The following ARHGAP15 variants were observed in gnomAD, a reference collection of about 807,000 sequenced individuals.
The protein encoded by ARHGAP15 is Rho GTPase activating protein 15, also known as rho GTPase-activating protein 15.
In ARHGAP15, 51 loss-of-function variants were observed where a neutral mutation model predicts 63.7. The observed-to-expected ratio is 0.80, with a 90% CI of 0.64 to 1.01. The LOEUF (loss-of-function observed/expected upper bound fraction) is 1.01, where lower values mean the gene tolerates loss of function less well. Among genes scored for constraint, ARHGAP15 ranks in the 50% least tolerant of loss-of-function variants. The pLI is 0.00. For synonymous variants in ARHGAP15, 191 were observed against 193.8 expected, an observed-to-expected ratio of 0.99 and a Z score of 0.12; for missense variants, 560 against 564.6, an observed-to-expected ratio of 0.99 and a Z score of 0.08.
At chr2:143,172,816 G>A (rs562957219) in intron 2 of ARHGAP15, among the ~76,000 whole-genome samples, 2 of 152,088 alleles carry the variant, frequency 1.3e-5, no homozygotes, top group Non-Finnish European at 1.5e-5. Context: ...AATCAATTAC[G>A]TGAGTTTGGA....
intron 11 of ARHGAP15, among the ~76,000 whole-genome samples, chr2:143,569,708 T>C (rs1287674896): frequency 6.6e-6 from 1 of 152,064 alleles, no homozygotes; most frequent in Non-Finnish European, 1.5e-5. Context: ...TAGCTGAACC[T>C]ATTTATTTAT....
intron 1 of ARHGAP15, among the ~76,000 whole-genome samples, chr2:143,136,572 GC>G (rs1558767393): frequency 1.3e-5 from 2 of 151,924 alleles, no homozygotes; most frequent in Non-Finnish European, 2.9e-5. Context: ...TTTTTGTTGG[GC>G]CCCCGGCTCC....
chr2:143,755,645 T>G (rs143029581), intron 13 of ARHGAP15, among the ~76,000 whole-genome samples: 36 of 152,284 alleles, frequency 2.4e-4, no homozygotes, highest in African/African-American at 8.2e-4. Flanking sequence ...TGGTGCTCAC[T>G]AGTTTTACTG....
At chr2:143,313,976 G>GT (rs1332401521) in intron 6 of ARHGAP15, among the ~76,000 whole-genome samples, 2 of 147,072 alleles carry the variant, frequency 1.4e-5, no homozygotes, top group African/African-American at 5.0e-5. Flanking sequence ...TTCTTGTTTT[G>GT]TTTTTTGTTT....
At chr2:143,316,574 A>G (rs1370458058) in intron 6 of ARHGAP15, among the ~76,000 whole-genome samples, 1 of 146,680 alleles carries the variant, frequency 6.8e-6, no homozygotes, top group African/African-American at 2.5e-5. Context: ...TAAAACATAT[A>G]TTAAAATATA....
intron 6 of ARHGAP15, among the ~76,000 whole-genome samples, chr2:143,371,275 G>T (rs1042489938): frequency 6.6e-6 from 1 of 152,136 alleles, no homozygotes; most frequent in East Asian, 1.9e-4. Flanking sequence ...TAGGTTTTAA[G>T]CCCTGCATGC....
At chr2:143,597,859 C>G (rs1697583986) in intron 11 of ARHGAP15, 1 of 152,098 alleles carries the variant, frequency 6.6e-6, no homozygotes, top group Admixed American at 6.6e-5. Context: ...GAAGTTTATT[C>G]CCTCACAGTT....
At chr2:143,416,556 A>T (rs1237203280) in intron 6 of ARHGAP15, among the ~76,000 whole-genome samples, 1 of 151,874 alleles carries the variant, frequency 6.6e-6, no homozygotes, top group Non-Finnish European at 1.5e-5. Context: ...TGTTGTTGTC[A>T]ATTTGCTTTG....
intron 6 of ARHGAP15, among the ~76,000 whole-genome samples, chr2:143,402,427 GCTT>G (rs1392353505): frequency 2.0e-5 from 3 of 151,734 alleles, no homozygotes; most frequent in Non-Finnish European, 4.4e-5. Context: ...GGAAGATTTA[GCTT>G]CTTCTGAGTT....
Position 143,630,517 on chromosome 2 carries a change from T to G in ARHGAP15, c.1138+6250T>G, listed in dbSNP as rs532671267. Among the ~76,000 whole-genome samples, 4 of 152,264 alleles carry G rather than the reference T, an allele frequency of 2.6e-5. No homozygotes were observed. The South Asian group carries it at 8.3e-4, about 31-fold the overall frequency. ...GAGAGGAAACCTCATTTAGTGATTT[T>G]AATTTTTATCTCTTCTGGTTACTTT... On this transcript the variant is annotated intron_variant, in intron 12 of 13. Transcript: ENST00000295095.
rs1682129803 is a variant in ARHGAP15, at chr2:143,665,727, A to T, written c.1139-37692A>T. Among the ~76,000 whole-genome samples the T allele has an allele frequency of 6.6e-5, 10 of 150,840 alleles. No individual in the cohort carries two copies. The South Asian group carries it at 2.1e-3, about 32-fold the overall frequency. ...TAAGCAACTTCAGCAAAGTCTCAGG[A>T]TACAAAATCAATGTACAAAAATCAC... On this transcript the variant is annotated intron_variant, in intron 12 of 13. Transcript: ENST00000295095.
rs55927433 is a variant in ARHGAP15 at position 143,680,021 on chromosome 2, T to TAAAAAAA, written c.1139-23374_1139-23368dup. 7.9e-5 allele frequency among the ~76,000 whole-genome samples: 8 copies of TAAAAAAA among 101,626 alleles called. 1 individual carries two copies. Among genetic ancestry groups the TAAAAAAA allele is most frequent in the African/African-American group, 2.7e-4 (6 of 22,252 alleles). The allele number at this position is 101,626 out of a possible 152,430, so 66.7% of individuals were successfully genotyped here. A position where few individuals can be genotyped will look rare whatever the true frequency, so the allele number is the denominator to read the frequency against. On this transcript the variant is annotated intron_variant, in intron 12 of 13. Transcript: ENST00000295095. ...TGTTTCTGGTCCATAAGTAAATGAT[T>TAAAAAAA]AAAAAAAAAAAAAAAAAAAAAAAAA...
chr2:143,540,012 T>G (rs1235963133), intron 10 of ARHGAP15, among the ~76,000 whole-genome samples: 1 of 152,132 alleles, frequency 6.6e-6, no homozygotes, highest in Non-Finnish European at 1.5e-5. Flanking sequence ...TGTGTGGGAG[T>G]CTGAGTCTCT....
chr2:143,246,158 T>G (rs184566337), intron 5 of ARHGAP15, among the ~76,000 whole-genome samples: 1 of 152,150 alleles, frequency 6.6e-6, no homozygotes, highest in African/African-American at 2.4e-5. Context: ...AGGCACTTTC[T>G]AAGTACATGA....
At chr2:143,629,056 G>T (rs1698957937) in intron 12 of ARHGAP15, among the ~76,000 whole-genome samples, 1 of 152,076 alleles carries the variant, frequency 6.6e-6, no homozygotes, top group African/African-American at 2.4e-5. Flanking sequence ...GCTATTTCTA[G>T]TACAAGCAAT....
chr2:143,653,516 C>T (rs752554179), intron 12 of ARHGAP15, among the ~76,000 whole-genome samples: 1 of 152,080 alleles, frequency 6.6e-6, no homozygotes, highest in Non-Finnish European at 1.5e-5. Context: ...AATATATTGG[C>T]ATAAATTTGT....
intron 13 of ARHGAP15, among the ~76,000 whole-genome samples, chr2:143,738,423 A>T (rs535745263): frequency 5.9e-5 from 9 of 152,300 alleles, no homozygotes; most frequent in African/African-American, 2.2e-4. Flanking sequence ...TTCCCAAGTA[A>T]TCACTGGCCA....
At chr2:143,455,404 C>T (rs1033600316) in intron 8 of ARHGAP15, among the ~76,000 whole-genome samples, 3 of 151,922 alleles carry the variant, frequency 2.0e-5, no homozygotes, top group Admixed American at 6.6e-5. Flanking sequence ...CTTTTATCAG[C>T]AAGGTCTTTG....
chr2:143,379,317 T>C (rs111362989), intron 6 of ARHGAP15, among the ~76,000 whole-genome samples: 3 of 151,608 alleles, frequency 2.0e-5, no homozygotes, highest in African/African-American at 7.3e-5. Context: ...CCCACACTGA[T>C]CATTTAACAA....
Sources: gnomAD v4.1 joint callset for allele counts (sites outside exome capture counted in the v4.1 genomes callset) on GRCh38, gnomAD v4.1.1 for gene constraint, MANE v1.5 for transcripts, NCBI Gene and HGNC (gene_info 2026-07-23, HGNC 2026-07-21) for gene names.